Variants in TNR observed in about 807,000 individuals in gnomAD.
TNR encodes tenascin-R.
TNR carries 45 observed loss-of-function variants against 150.4 expected under a neutral mutation model. The ratio of observed to expected loss-of-function variants is 0.30; its 90% CI spans 0.24 to 0.38. TNR has a LOEUF of 0.38. TNR is among the 10% of genes least tolerant of loss of function. The pLI is 1.00. For missense variants in TNR, 1,544 were observed against 1,759.1 expected (o/e 0.88, Z 2.19); for synonymous variants, 687 against 678.4 (o/e 1.01, Z -0.20).
intron 21 of TNR, among the ~76,000 whole-genome samples, chr1:175,329,262 A>T (rs73032445): frequency 6.6e-6 from 1 of 152,250 alleles, no homozygotes; most frequent in Admixed American, 6.5e-5. Flanking sequence ...AATAATGCCA[A>T]GTATCAAACA....
At chr1:175,546,665 G>A (rs1005271175) in intron 1 of TNR, among the ~76,000 whole-genome samples, 3 of 152,142 alleles carry the variant, frequency 2.0e-5, no homozygotes, top group Admixed American at 6.5e-5. Flanking sequence ...CATCACTATC[G>A]AGTCTGTGGG....
chr1:175,604,579 A>C (rs1054431944), intron 1 of TNR, among the ~76,000 whole-genome samples: 2 of 152,202 alleles, frequency 1.3e-5, no homozygotes, highest in Non-Finnish European at 2.9e-5. Flanking sequence ...AGGGAAGCAG[A>C]GACAGACTGG....
intron 2 of TNR, among the ~76,000 whole-genome samples, chr1:175,455,414 A>C (rs1656528249): frequency 1.3e-5 from 2 of 152,382 alleles, no homozygotes; most frequent in African/African-American, 4.8e-5. Flanking sequence ...CAAAGCATCT[A>C]GCTTCTTATA....
At chr1:175,393,469 G>A (rs1239348776) in intron 6 of TNR, among the ~76,000 whole-genome samples, 1 of 152,124 alleles carries the variant, frequency 6.6e-6, no homozygotes, top group Non-Finnish European at 1.5e-5. Context: ...TGGTTTTCAT[G>A]CTCACCAAAA....
intron 1 of TNR, among the ~76,000 whole-genome samples, chr1:175,649,622 C>A (rs762530219): frequency 6.6e-6 from 1 of 152,198 alleles, no homozygotes; most frequent in Non-Finnish European, 1.5e-5. Flanking sequence ...TCCACTGCTA[C>A]CTTCACCCAG....
intron 18 of TNR, among the ~76,000 whole-genome samples, chr1:175,338,976 A>AG (rs1391727945): frequency 6.6e-6 from 1 of 152,272 alleles, no homozygotes; most frequent in Non-Finnish European, 1.5e-5. Flanking sequence ...TTTAGAACAA[A>AG]GGCATTGCCT....
chr1:175,709,209 G>A (rs370235310), intron 1 of TNR, among the ~76,000 whole-genome samples: 4 of 151,866 alleles, frequency 2.6e-5, no homozygotes, highest in East Asian at 3.9e-4. Flanking sequence ...ATGCCAAAAG[G>A]ACTCACAATG....
chr1:175,662,204 G>A (rs914735324), intron 1 of TNR, among the ~76,000 whole-genome samples: 1 of 152,138 alleles, frequency 6.6e-6, no homozygotes, highest in African/African-American at 2.4e-5. Flanking sequence ...ATGACATGGT[G>A]GTTCATAAAA....
chr1:175,691,306 G>A (rs1666363111), intron 1 of TNR, among the ~76,000 whole-genome samples: 1 of 151,344 alleles, frequency 6.6e-6, no homozygotes, highest in Non-Finnish European at 1.5e-5. Flanking sequence ...TATTAATGAT[G>A]ATGATAATTA....
chr1:175,323,340 T>C lies in TNR; in HGVS notation c.*17A>G, dbSNP rs1405385339. On this transcript the variant is annotated 3_prime_UTR_variant, in exon 23 of 23. Coordinates refer to ENST00000367674, the MANE Select transcript of TNR (RefSeq NM_003285.3). ...CAAATGACAGAAAATATTGGTTGGC[T>C]TGCAGCCGCCCACTGCTCAGAACTG... 1 of 1,610,260 alleles carries C rather than the reference T, an allele frequency of 6.2e-7. No homozygotes were observed. The highest frequency in any genetic ancestry group is 1.7e-5 in the Admixed American group (1 of 58,946).
intron 2 of TNR, among the ~76,000 whole-genome samples, chr1:175,451,196 C>A (rs1360293133): frequency 1.4e-5 from 2 of 145,166 alleles, no homozygotes; most frequent in African/African-American, 5.5e-5. Flanking sequence ...GCTCAAAGCA[C>A]CTGGTTAGTT....
intron 21 of TNR, among the ~76,000 whole-genome samples, chr1:175,327,887 C>T (rs1379345166): frequency 6.6e-6 from 1 of 152,216 alleles, no homozygotes; most frequent in Non-Finnish European, 1.5e-5. Context: ...GCAGGTGGAT[C>T]ACCACAGGAC....
At chr1:175,629,329 C>G (rs960097342) in intron 1 of TNR, among the ~76,000 whole-genome samples, 2 of 152,110 alleles carry the variant, frequency 1.3e-5, no homozygotes, top group African/African-American at 4.8e-5. Flanking sequence ...AAAATGATGC[C>G]AGGATCATAG....
chr1:175,630,134 T>C (rs1664279767), intron 1 of TNR, among the ~76,000 whole-genome samples: 1 of 152,126 alleles, frequency 6.6e-6, no homozygotes, highest in Non-Finnish European at 1.5e-5. Flanking sequence ...GCTTTGCAGG[T>C]GGAAGACTCC....
chr1:175,650,853 C>T (rs1194399120), intron 1 of TNR, among the ~76,000 whole-genome samples: 1 of 56,512 alleles, frequency 1.8e-5, no homozygotes, highest in Non-Finnish European at 3.6e-5. Context: ...TCATTACTAC[C>T]CATCTCCCAC....
At chr1:175,365,424 A>C in intron 11 of TNR, 145 bp from the exon 12 acceptor site, 2 of 903,002 alleles carry the variant, frequency 2.2e-6, no homozygotes, top group Non-Finnish European at 3.3e-6. Context: ...CCACCTCCTC[A>C]CCCTCCAGTG....
At chr1:175,354,331 C>G (rs557778494) in intron 18 of TNR, 60 bp downstream of exon 18, 2 of 1,591,946 alleles carry the variant, frequency 1.3e-6, no homozygotes, top group African/African-American at 2.7e-5. Context: ...GCAGAGGCTG[C>G]TGATGAGCCA....
intron 9 of TNR, 54 bp downstream of exon 9, chr1:175,379,498 G>T: frequency 6.6e-7 from 1 of 1,523,416 alleles, no homozygotes. Context: ...GGAGACAGCT[G>T]TGAGGGTATA....
At chr1:175,513,218 T>C (rs1158474324) in intron 2 of TNR, among the ~76,000 whole-genome samples, 1 of 151,956 alleles carries the variant, frequency 6.6e-6, no homozygotes, top group Admixed American at 6.5e-5. Flanking sequence ...CACTACACTG[T>C]GCTGTAGGCG....
Sources: gnomAD v4.1 joint callset for allele counts (sites outside exome capture counted in the v4.1 genomes callset) on GRCh38, gnomAD v4.1.1 for gene constraint, MANE v1.5 for transcripts, NCBI Gene and HGNC (gene_info 2026-07-23, HGNC 2026-07-21) for gene names.